The following SETBP1 variants were observed in gnomAD, a reference collection of about 807,000 sequenced individuals.
SETBP1 encodes SET-binding protein.
SETBP1 carries 9 observed loss-of-function variants against 101.0 expected under a neutral mutation model. The observed-to-expected ratio is 0.09, with a 90% confidence interval of 0.05 to 0.16. SETBP1 has a LOEUF of 0.16. Among genes scored for constraint, SETBP1 ranks in the 10% least tolerant of loss-of-function variants. SETBP1 has a pLI of 1.00. For missense variants in SETBP1, 1,858 were observed against 2,033.8 expected, an observed-to-expected ratio of 0.91 and a Z score of 1.66; for synonymous variants, 818 against 788.5, an observed-to-expected ratio of 1.04 and a Z score of -0.63.
intron 4 of SETBP1, chr18:44,986,416 A>G (rs945277737): frequency 6.6e-6 from 1 of 152,122 alleles, no homozygotes; most frequent in Non-Finnish European, 1.5e-5. Flanking sequence ...ACTATTATAG[A>G]TTTTATAAAT....
At chr18:45,050,327 C>G (rs1044067891) in intron 5 of SETBP1, among the ~76,000 whole-genome samples, 1 of 152,190 alleles carries the variant, frequency 6.6e-6, no homozygotes, top group East Asian at 1.9e-4. Flanking sequence ...ACCCCCACAA[C>G]TAGTAAAGAG....
chr18:44,899,127 G>A (rs2069976669), intron 3 of SETBP1, among the ~76,000 whole-genome samples: 1 of 152,156 alleles, frequency 6.6e-6, no homozygotes, highest in South Asian at 2.1e-4. Context: ...CTTTTGTAGA[G>A]TTAAAACAAT....
At chr18:44,956,114 A>G (rs2071474839) in intron 4 of SETBP1, among the ~76,000 whole-genome samples, 1 of 152,128 alleles carries the variant, frequency 6.6e-6, no homozygotes, top group Admixed American at 6.6e-5. Context: ...GGTGGCTGCT[A>G]CATCTATATG....
chr18:45,037,752 T>C (rs2145491969), intron 4 of SETBP1, among the ~76,000 whole-genome samples: 1 of 152,230 alleles, frequency 6.6e-6, no homozygotes, highest in Middle Eastern at 3.4e-3. Flanking sequence ...ACATGACATA[T>C]GATGCGTGTT....
chr18:44,927,998 G>A (rs1599333112), intron 3 of SETBP1, among the ~76,000 whole-genome samples: 5 of 152,228 alleles, frequency 3.3e-5, no homozygotes, highest in Admixed American at 2.6e-4. Context: ...TGTTACATAT[G>A]TATACATGTG....
intron 4 of SETBP1, among the ~76,000 whole-genome samples, chr18:44,994,183 C>T (rs2072441809): frequency 6.6e-6 from 1 of 151,332 alleles, no homozygotes; most frequent in African/African-American, 2.4e-5. Flanking sequence ...CATAAAAAAC[C>T]TGGGTAAAAA....
At chr18:44,815,243 G>A (rs1484458079) in intron 2 of SETBP1, among the ~76,000 whole-genome samples, 1 of 152,202 alleles carries the variant, frequency 6.6e-6, no homozygotes, top group Non-Finnish European at 1.5e-5. Context: ...CTTTCGATGA[G>A]GAAACAAAGT....
intron 3 of SETBP1, among the ~76,000 whole-genome samples, chr18:44,886,738 T>C (rs1409484448): frequency 2.0e-5 from 3 of 146,730 alleles, no homozygotes; most frequent in South Asian, 2.2e-4. Flanking sequence ...TTTTGAAAGA[T>C]TGGTGGACTG....
chr18:45,009,329 CG>C (rs1411901964), intron 4 of SETBP1, among the ~76,000 whole-genome samples: 2 of 150,724 alleles, frequency 1.3e-5, no homozygotes, highest in Non-Finnish European at 3.0e-5. Flanking sequence ...GCCTCCATCT[CG>C]GATGCCTGTG....
intron 4 of SETBP1, among the ~76,000 whole-genome samples, chr18:44,961,273 G>A (rs1432864696): frequency 6.6e-6 from 1 of 152,228 alleles, no homozygotes; most frequent in African/African-American, 2.4e-5. Context: ...AGCAGAGCCA[G>A]AAGATGCAGA....
chr18:44,755,788 A>G (rs751271751), intron 2 of SETBP1, among the ~76,000 whole-genome samples: 2 of 152,098 alleles, frequency 1.3e-5, no homozygotes, highest in Non-Finnish European at 2.9e-5. Flanking sequence ...TCCATTTTAT[A>G]TATATCCCAT....
intron 4 of SETBP1, among the ~76,000 whole-genome samples, chr18:45,018,467 C>T (rs566343345): frequency 2.2e-4 from 33 of 152,260 alleles, no homozygotes; most frequent in African/African-American, 7.7e-4. Flanking sequence ...TAGCCCTTTG[C>T]TGGGTGGACG....
intron 3 of SETBP1, among the ~76,000 whole-genome samples, chr18:44,937,741 C>T (rs1729836297): frequency 6.6e-6 from 1 of 152,152 alleles, no homozygotes. Context: ...GCAGCCCCAT[C>T]TCAGACTTCC....
chr18:44,929,275 C>T (rs534238993), intron 3 of SETBP1, among the ~76,000 whole-genome samples: 93 of 152,192 alleles, frequency 6.1e-4, no homozygotes, highest in Middle Eastern at 6.8e-3. Flanking sequence ...GAGGGCTCTA[C>T]TCTGTTCCAT....
At chr18:44,797,498 A>C (rs2144757977) in intron 2 of SETBP1, among the ~76,000 whole-genome samples, 1 of 152,320 alleles carries the variant, frequency 6.6e-6, no homozygotes, top group South Asian at 2.1e-4. Context: ...GATGAAAAGC[A>C]CCAAGCCACT....
chr18:45,051,409 A>T (rs1169006698), intron 5 of SETBP1, among the ~76,000 whole-genome samples: 1 of 152,208 alleles, frequency 6.6e-6, no homozygotes, highest in Non-Finnish European at 1.5e-5. Flanking sequence ...CCAAGAGAGC[A>T]TATGACCCTT....
intron 2 of SETBP1, among the ~76,000 whole-genome samples, chr18:44,861,364 G>A (rs998995465): frequency 7.4e-5 from 11 of 148,346 alleles, no homozygotes; most frequent in Admixed American, 1.4e-4. Flanking sequence ...TCAGCCTCCC[G>A]AGTAGCTGGA....
intron 3 of SETBP1, among the ~76,000 whole-genome samples, chr18:44,896,593 A>G (rs1339175399): frequency 6.6e-6 from 1 of 152,104 alleles, no homozygotes; most frequent in African/African-American, 2.4e-5. Flanking sequence ...CCTGGGTTCA[A>G]GCAATTCTGC....
chr18:44,744,945 G>T (rs554497029), intron 2 of SETBP1, among the ~76,000 whole-genome samples: 1 of 152,124 alleles, frequency 6.6e-6, no homozygotes, highest in African/African-American at 2.4e-5. Context: ...TTGTGTGGAC[G>T]TGGGGCTCCT....
Sources: gnomAD v4.1 joint callset for allele counts (sites outside exome capture counted in the v4.1 genomes callset) on GRCh38, gnomAD v4.1.1 for gene constraint, MANE v1.5 for transcripts, NCBI Gene and HGNC (gene_info 2026-07-23, HGNC 2026-07-21) for gene names.